The following RELN variants were observed in gnomAD, a reference collection of about 807,000 sequenced individuals.
RELN encodes reelin.
Under a neutral mutation model 427.6 loss-of-function variants are expected in RELN, and 108 were observed. That is an observed-to-expected ratio of 0.25 (90% CI 0.22 to 0.30). The LOEUF (loss-of-function observed/expected upper bound fraction) is 0.30. Ranked by LOEUF, RELN falls within the 10% of genes least tolerant of loss-of-function variation. The pLI, the probability that RELN is intolerant of heterozygous loss-of-function variation, is 1.00. For missense variants in RELN, 3,715 were observed against 4,302.8 expected, an observed-to-expected ratio of 0.86 and a Z score of 3.82; for synonymous variants, 1,524 against 1,513.4, an observed-to-expected ratio of 1.01 and a Z score of -0.16.
intron 53 of RELN, 84 bp from the exon 54 acceptor site, chr7:103,498,336 T>G: frequency 7.9e-7 from 1 of 1,258,922 alleles, no homozygotes; most frequent in South Asian, 1.3e-5. Flanking sequence ...AGTGATGTCT[T>G]GGACTTAAAA....
intron 6 of RELN, among the ~76,000 whole-genome samples, chr7:103,730,345 C>T (rs547405526): frequency 2.6e-5 from 4 of 152,076 alleles, no homozygotes; most frequent in East Asian, 3.9e-4. Flanking sequence ...TCCATAGTTT[C>T]GCTTAAACAG....
In RELN at chr7:103,773,356, C is replaced by CCT. The variant is rs1299713955; in HGVS notation, c.544+3199_544+3200dup. ...CTCCCTCGCTTCCTCTCTCTCTCTC[C>CCT]CTCTCTCTCTCTCCCTCCCTCCCTC... On this transcript the variant is annotated intron_variant, in intron 4 of 64. Coordinates refer to ENST00000428762, the MANE Select transcript of RELN (RefSeq NM_005045.4). 3.6e-4 allele frequency among the ~76,000 whole-genome samples: 4 copies of CCT among 11,184 alleles called. 1 individual carries two copies. The highest frequency in any genetic ancestry group is 1.7e-3 in the African/African-American group (2 of 1,158). 7.3% of individuals were successfully genotyped at this position (11,184 alleles called of 152,430 possible). A position where few individuals can be genotyped will look rare whatever the true frequency, so the allele number is the denominator to read the frequency against.
rs764139642 is a variant in RELN at position 103,654,086 on chromosome 7, T to G, written c.1554+7A>C. On this transcript the variant is annotated splice_region_variant and intron_variant, in intron 13 of 64. Transcript: ENST00000428762. The stretch of plus-strand genomic sequence containing the variant: ...GGTCTATTTGCCACACAGACTGGCA[T>G]GTGTACCTTATATGAGGAATAGGAA... 2.7e-6 allele frequency: 4 copies of G among 1,501,986 alleles called. No homozygotes were observed. Among genetic ancestry groups the G allele is most frequent in the African/African-American group, 1.4e-5 (1 of 72,648 alleles). 93.0% of individuals were successfully genotyped at this position (1,501,986 alleles called of 1,614,324 possible). A position where few individuals can be genotyped will look rare whatever the true frequency, so the allele number is the denominator to read the frequency against.
intron 6 of RELN, among the ~76,000 whole-genome samples, chr7:103,745,268 AAAT>A (rs1383821583): frequency 6.6e-6 from 1 of 152,084 alleles, no homozygotes; most frequent in East Asian, 1.9e-4. Context: ...ATGTATCTCA[AAAT>A]AATAAGAGCT....
intron 58 of RELN, among the ~76,000 whole-genome samples, chr7:103,491,624 G>C (rs970455964): frequency 1.3e-5 from 2 of 151,982 alleles, no homozygotes; most frequent in Non-Finnish European, 2.9e-5. Context: ...GAGGTCGGGA[G>C]TTCAAGACCA....
chr7:103,519,432 T>A lies in RELN; in HGVS notation c.7753A>T (p.Ile2585Phe). ...IQFYFMYGCL[I>F]TPNNRNQGVL... is the part of the protein sequence containing the mutation. ...CCTTGGTTACGGTTGTTTGGTGTAA[T>A]CAGGCACCCATACATGAAGTAAAAT... Residue 2585 changes from isoleucine (I) to phenylalanine (F), a missense_variant, in exon 49 of 65, where the codon ATT becomes TTT. Coordinates refer to ENST00000428762, the MANE Select transcript of RELN (RefSeq NM_005045.4). The A allele has an allele frequency of 1.2e-6, 2 of 1,613,602 alleles. No homozygotes were observed. Among genetic ancestry groups the A allele is most frequent in the Non-Finnish European group, 1.7e-6 (2 of 1,179,522 alleles).
rs362813 is a variant in RELN, at chr7:103,574,493, T to C, written c.4304-194A>G. 0.47 allele frequency among the ~76,000 whole-genome samples: 71,674 copies of C among 152,016 alleles called. 16,983 individuals are homozygous for C. The highest frequency in any genetic ancestry group is 0.52 in the South Asian group (2,508 of 4,814). On this transcript the variant is annotated intron_variant, in intron 29 of 64. Transcript: ENST00000428762. Reference sequence around the variant, plus strand: ...CCATCATCAAAAACACTATTCTGCCTCTGTAAATTTTTATTTTTTAATAGA... The same window carrying C: ...CCATCATCAAAAACACTATTCTGCCCCTGTAAATTTTTATTTTTTAATAGA...
intron 15 of RELN, 74 bp from the exon 16 acceptor site, chr7:103,650,457 A>T: frequency 1.1e-6 from 1 of 941,278 alleles, no homozygotes; most frequent in South Asian, 1.3e-5. Context: ...CATGGTTTTC[A>T]TGTTCTAGCT....
rs759623259 is a variant in RELN at position 103,989,265 on chromosome 7, G to C, written c.92C>G (p.Pro31Arg). Residue 31 changes from proline (P) to arginine (R), a missense_variant, in exon 1 of 65, where the codon CCC (proline) becomes CGC (arginine). By Grantham distance (103) the Pro-to-Arg change is moderately radical. This residue lies in a region of RELN where 2,208 missense variants were observed against 2,361.7 expected (regional missense o/e 0.93). Transcript: ENST00000428762. The surrounding 1 kb of genome is among the most constrained non-coding windows in gnomAD (Gnocchi z 4.9). Reference protein sequence around the residue: ...LRARAAAGYYPRFSPFFFLCT... With the variant: ...LRARAAAGYYRRFSPFFFLCT... Reference sequence around the variant, plus strand: ...CAGGAAAAAGAAGGGCGAAAAGCGGGGGTAATAGCCAGCCGCCGCGCGCGC... The same window carrying C: ...CAGGAAAAAGAAGGGCGAAAAGCGGCGGTAATAGCCAGCCGCCGCGCGCGC... The C allele has an allele frequency of 2.5e-6, 4 of 1,613,796 alleles. No individual in the cohort carries two copies. Among genetic ancestry groups the C allele is most frequent in the East Asian group, 4.5e-5 (2 of 44,848 alleles).
At chr7:103,623,940 C>T (rs985224336) in intron 20 of RELN, among the ~76,000 whole-genome samples, 15 of 152,110 alleles carry the variant, frequency 9.9e-5, no homozygotes, top group Non-Finnish European at 8.8e-5. Flanking sequence ...TAACAAATAA[C>T]CCATCTTTTG....
At chr7:103,902,455 G>A (rs992898068) in intron 2 of RELN, among the ~76,000 whole-genome samples, 2 of 152,062 alleles carry the variant, frequency 1.3e-5, no homozygotes, top group Non-Finnish European at 2.9e-5. Context: ...GAACTTTTCT[G>A]AAAGAGAACC....
chr7:103,540,788 G>T (rs1461870516), intron 43 of RELN, among the ~76,000 whole-genome samples: 2 of 152,140 alleles, frequency 1.3e-5, no homozygotes, highest in Non-Finnish European at 1.5e-5. Context: ...GTTTGAGTGT[G>T]GGAGTGTGTG....
At chr7:103,902,979 C>T (rs536643862) in intron 2 of RELN, among the ~76,000 whole-genome samples, 75 of 152,138 alleles carry the variant, frequency 4.9e-4, no homozygotes, top group African/African-American at 1.7e-3. Context: ...GATTTAACTG[C>T]CAGGAAAAGT....
intron 10 of RELN, among the ~76,000 whole-genome samples, chr7:103,694,530 G>A: frequency 6.6e-6 from 1 of 151,592 alleles, no homozygotes. Flanking sequence ...ATGTGTGTGT[G>A]TGTGAGTCTG....
At chr7:103,638,023 A>C (rs1033747506) in intron 17 of RELN, among the ~76,000 whole-genome samples, 1 of 152,166 alleles carries the variant, frequency 6.6e-6, no homozygotes, top group Non-Finnish European at 1.5e-5. Flanking sequence ...AAGGTTATTC[A>C]GTTGAGATAT....
At chr7:103,864,333 T>G (rs1001397123) in intron 2 of RELN, among the ~76,000 whole-genome samples, 2 of 152,152 alleles carry the variant, frequency 1.3e-5, no homozygotes, top group Non-Finnish European at 2.9e-5. Flanking sequence ...TTTAACAAAA[T>G]TTTAAGTGCC....
Position 103,824,637 on chromosome 7 carries a change from T to A in RELN, c.473+8900A>T, listed in dbSNP as rs1216689951. ...TTTCTTTCAAAACAGAGTGTGTGTG[T>A]GTGTGTGTGTGTGTGTGTGTGTGTG... On this transcript the variant is annotated intron_variant, in intron 3 of 64. Coordinates refer to ENST00000428762, the MANE Select transcript of RELN (RefSeq NM_005045.4). The surrounding 1 kb of genome is among the most constrained non-coding windows in gnomAD (Gnocchi z 4.4). Among the ~76,000 whole-genome samples, 2 of 113,084 alleles carry A rather than the reference T, an allele frequency of 1.8e-5. No individual in the cohort carries two copies. The highest frequency in any genetic ancestry group is 2.1e-4 in the East Asian group (1 of 4,856). 74.2% of individuals were successfully genotyped at this position (113,084 alleles called of 152,430 possible).
At chr7:103,743,789 CTT>C (rs1473859695) in intron 6 of RELN, among the ~76,000 whole-genome samples, 1 of 152,174 alleles carries the variant, frequency 6.6e-6, no homozygotes, top group African/African-American at 2.4e-5. Flanking sequence ...TACAAAGAGA[CTT>C]AGACTCCCAC....
Position 103,497,940 on chromosome 7 carries a change from C to T in RELN, c.8844-14G>A, listed in dbSNP as rs768279687. 3 of 1,610,816 alleles carry T rather than the reference C, an allele frequency of 1.9e-6. No homozygotes were observed. The highest frequency in any genetic ancestry group is 2.2e-5 in the South Asian group (2 of 90,972). On this transcript the variant is annotated splice_polypyrimidine_tract_variant and intron_variant, in intron 54 of 64. Coordinates refer to ENST00000428762, the MANE Select transcript of RELN (RefSeq NM_005045.4). Reference sequence around the variant, plus strand: ...TATTGCAGGAACCTGAATGCAAGCACATTTTATCCATCAGAATAATTCATT... The same window carrying T: ...TATTGCAGGAACCTGAATGCAAGCATATTTTATCCATCAGAATAATTCATT...
Sources: gnomAD v4.1 joint callset for allele counts (sites outside exome capture counted in the v4.1 genomes callset) on GRCh38, gnomAD v4.1.1 for gene constraint, gnomAD v4.1.1 regional missense constraint, Gnocchi (gnomAD v3.1) non-coding constraint, MANE v1.5 for transcripts, NCBI Gene and HGNC (gene_info 2026-07-23, HGNC 2026-07-21) for gene names.